COL4A6: variants seen among roughly 807,000 people sequenced by gnomAD.
COL4A6 encodes collagen type IV alpha 6 chain.
In COL4A6, 59 loss-of-function variants were observed where a neutral mutation model predicts 126.7. That is an observed-to-expected ratio of 0.47 (90% confidence interval 0.38 to 0.58). COL4A6 has a LOEUF of 0.58. Among genes scored for constraint, COL4A6 ranks in the 20% least tolerant of loss-of-function variants. The pLI is 0.00. For synonymous variants in COL4A6, 547 were observed against 496.6 expected, an observed-to-expected ratio of 1.10 and a Z score of -1.35; for missense variants, 1,285 against 1,337.3, an observed-to-expected ratio of 0.96 and a Z score of 0.61.
intron 19 of COL4A6, among the ~76,000 whole-genome samples, chrX:108,191,168 T>C (rs1277936971): frequency 1.8e-5 from 2 of 112,211 alleles, no homozygotes; most frequent in Non-Finnish European, 3.8e-5. Flanking sequence ...CATTAGGCCC[T>C]AGTTTGCTTG....
chrX:108,227,266 C>T (rs1315120856), intron 3 of COL4A6, among the ~76,000 whole-genome samples: 1 of 112,132 alleles, frequency 8.9e-6, no homozygotes, highest in African/African-American at 3.2e-5. Flanking sequence ...TGAGAAATGA[C>T]TGAGAAGCCA....
chrX:108,223,515 G>C (rs1478708532), intron 3 of COL4A6, among the ~76,000 whole-genome samples: 1 of 111,408 alleles, frequency 9.0e-6, no homozygotes, highest in East Asian at 2.8e-4. Context: ...TGGAGGGTTT[G>C]TGGAAGGCTT....
chrX:108,296,337 G>T (rs960725720), intron 3 of COL4A6, among the ~76,000 whole-genome samples: 3 of 111,886 alleles, frequency 2.7e-5, no homozygotes, highest in African/African-American at 9.8e-5. Flanking sequence ...GATGATTAAT[G>T]GGTGAGAATT....
At chrX:108,381,133 A>C (rs1426533858) in intron 2 of COL4A6, among the ~76,000 whole-genome samples, 2 of 111,901 alleles carry the variant, frequency 1.8e-5, no homozygotes, top group Non-Finnish European at 3.8e-5. Flanking sequence ...AGGTTATCTT[A>C]TTTATTATCT....
chrX:108,417,048 C>A (rs754573974), intron 2 of COL4A6, among the ~76,000 whole-genome samples: 12 of 112,086 alleles, frequency 1.1e-4, no homozygotes, highest in South Asian at 7.4e-4. Flanking sequence ...CTGACAGGAT[C>A]AAATGAGATC....
intron 3 of COL4A6, among the ~76,000 whole-genome samples, chrX:108,246,516 G>A (rs1350311427): frequency 1.8e-5 from 2 of 112,120 alleles, no homozygotes; most frequent in African/African-American, 6.5e-5. Context: ...GGATGTGGCT[G>A]TGTTCTAACA....
At chrX:108,161,112 A>G (rs1472522172) in intron 42 of COL4A6, among the ~76,000 whole-genome samples, 5 of 112,048 alleles carry the variant, frequency 4.5e-5, no homozygotes, top group African/African-American at 1.6e-4. Context: ...CCTGCCCATG[A>G]CAGACATGAC....
At chrX:108,350,692 T>C (rs1002349820) in intron 2 of COL4A6, among the ~76,000 whole-genome samples, 2 of 111,808 alleles carry the variant, frequency 1.8e-5, no homozygotes, top group Non-Finnish European at 3.8e-5. Context: ...TTCCCATAAG[T>C]AACAACTAAA....
chrX:108,173,461 G>GGTGTGTGTGT (rs56782024), intron 31 of COL4A6, among the ~76,000 whole-genome samples: 12 of 101,094 alleles, frequency 1.2e-4, no homozygotes, highest in Non-Finnish European at 2.0e-4. Context: ...AATTGCTTCA[G>GGTGTGTGTGT]GTGTGTGTGT....
chrX:108,309,586 T>C (rs2038712701), intron 3 of COL4A6, among the ~76,000 whole-genome samples: 3 of 111,359 alleles, frequency 2.7e-5, no homozygotes, highest in African/African-American at 9.8e-5. Context: ...GTTTGACATT[T>C]TACTTTACCC....
chrX:108,351,436 C>CTGTG lies in COL4A6; in HGVS notation c.64-40609_64-40608insCACA, dbSNP rs1336858729. On this transcript the variant is annotated intron_variant, in intron 2 of 44. Coordinates refer to ENST00000334504, the MANE Select transcript of COL4A6 (RefSeq NM_033641.4). Reference sequence around the variant, plus strand: ...CAGTATTAAAAAAGGAGGTAACTCTCTCTCTCTGTGTGTGTGTGTGTGTGT... The same window carrying CTGTG: ...CAGTATTAAAAAAGGAGGTAACTCTCTGTGTCTCTCTGTGTGTGTGTGTGTGTGT... Among the ~76,000 whole-genome samples, 699 of 82,180 alleles carry CTGTG rather than the reference C, an allele frequency of 8.5e-3. 8 individuals carry two copies. The East Asian group carries it at 0.089, about 10-fold the overall frequency. 71.4% of individuals were successfully genotyped at this position (82,180 alleles called of 115,157 possible). A position where few individuals can be genotyped will look rare whatever the true frequency, so the allele number is the denominator to read the frequency against.
chrX:108,295,304 T>A (rs1186672892), intron 3 of COL4A6, among the ~76,000 whole-genome samples: 1 of 111,948 alleles, frequency 8.9e-6, no homozygotes, highest in East Asian at 2.8e-4. Context: ...CTATCAACAC[T>A]TCTTTCGGGA....
chrX:108,170,849 C>G lies in COL4A6; in HGVS notation c.3346G>C (p.Val1116Leu). Residue 1116 changes from valine (V) to leucine (L), a missense_variant, in exon 34 of 45, where the codon GTT (valine) becomes CTT (leucine). Coordinates refer to ENST00000334504, the MANE Select transcript of COL4A6 (RefSeq NM_033641.4). ...FPGNKGEDGK[V>L]GVSGDVGLPG... ...AGGCCAACATCTCCAGAAACACCAACTTTTCCATCTTCACCTTTGTTTCCA... is the reference window on the plus strand; with the variant it reads ...AGGCCAACATCTCCAGAAACACCAAGTTTTCCATCTTCACCTTTGTTTCCA... The G allele has an allele frequency of 8.2e-7, 1 of 1,212,416 alleles. No homozygotes were observed. The highest frequency in any genetic ancestry group is 1.1e-6 in the Non-Finnish European group (1 of 895,621).
chrX:108,213,147 A>AC (rs899567580), intron 6 of COL4A6, among the ~76,000 whole-genome samples: 9 of 111,751 alleles, frequency 8.1e-5, no homozygotes, highest in Non-Finnish European at 5.6e-5. Flanking sequence ...ATATACCCAC[A>AC]CCCCAACCTG....
intron 3 of COL4A6, among the ~76,000 whole-genome samples, chrX:108,270,884 C>T (rs191735638): frequency 1.3e-4 from 14 of 110,763 alleles, no homozygotes; most frequent in African/African-American, 2.0e-4. Context: ...CACTAAGTCC[C>T]GAGGATCCAT....
At chrX:108,240,458 A>T (rs1192359436) in intron 3 of COL4A6, among the ~76,000 whole-genome samples, 1 of 112,334 alleles carries the variant, frequency 8.9e-6, no homozygotes, top group Non-Finnish European at 1.9e-5. Context: ...CTAATAAAAA[A>T]GATATGTTAC....
chrX:108,346,880 C>T (rs1281774934), intron 2 of COL4A6, among the ~76,000 whole-genome samples: 1 of 111,835 alleles, frequency 8.9e-6, no homozygotes, highest in Non-Finnish European at 1.9e-5. Context: ...TGGGTCAGGT[C>T]AAGATATAAA....
chrX:108,183,905 C>T, intron 23 of COL4A6: 1 of 301,774 alleles, frequency 3.3e-6, no homozygotes, highest in Non-Finnish European at 5.6e-6. Flanking sequence ...AGCACTTGCA[C>T]CCACATGAGA....
chrX:108,271,886 CA>C (rs2037460998), intron 3 of COL4A6, among the ~76,000 whole-genome samples: 1 of 112,140 alleles, frequency 8.9e-6, no homozygotes, highest in Admixed American at 9.5e-5. Flanking sequence ...CTACCCTGGG[CA>C]AGAGAGAGTC....
Sources: gnomAD v4.1 joint callset for allele counts (sites outside exome capture counted in the v4.1 genomes callset) on GRCh38, gnomAD v4.1.1 for gene constraint, MANE v1.5 for transcripts, NCBI Gene and HGNC (gene_info 2026-07-23, HGNC 2026-07-21) for gene names.